The following CACNA2D1 variants were observed in gnomAD, a reference collection of about 807,000 sequenced individuals.
The protein encoded by CACNA2D1 is voltage-dependent calcium channel subunit alpha-2/delta-1.
A neutral mutation model predicts 171.5 loss-of-function variants in CACNA2D1; 53 were observed. The ratio of observed to expected loss-of-function variants is 0.31; its 90% CI spans 0.25 to 0.39. CACNA2D1 has a LOEUF of 0.39. CACNA2D1 is among the 10% of genes least tolerant of loss of function. The pLI, the probability that CACNA2D1 is intolerant of heterozygous loss-of-function variation, is 1.00. For synonymous variants in CACNA2D1, 442 were observed against 443.1 expected (o/e 1.00, Z 0.03); for missense variants, 903 against 1,299.8 (o/e 0.69, Z 4.69).
chr7:81,970,873 T>TATCTATTA, intron 26 of CACNA2D1, 136 bp from the exon 27 acceptor site: 5 of 663,218 alleles, frequency 7.5e-6, no homozygotes. Flanking sequence ...TATGTTTTAA[T>TATCTATTA]AATTTAAATA....
intron 4 of CACNA2D1, among the ~76,000 whole-genome samples, chr7:82,139,932 C>A (rs1792145244): frequency 6.8e-6 from 1 of 146,548 alleles, no homozygotes; most frequent in South Asian, 2.2e-4. Flanking sequence ...CAGGCATTTG[C>A]CAACACACCT....
At position 82,032,878 on chromosome 7, in the gene CACNA2D1, G is replaced by A. The variant is rs142965905; in HGVS notation, c.1062C>T (p.Cys354=). The A allele has an allele frequency of 1.5e-5, 24 of 1,596,188 alleles. No homozygotes were observed. The highest frequency in any genetic ancestry group is 2.0e-5 in the Non-Finnish European group (23 of 1,165,166). ...CCGTGAATAGCATAATAATCTTATTGCAGTTTGCTCTGGAAACATTATACT... is the reference window on the plus strand; with the variant it reads ...CCGTGAATAGCATAATAATCTTATTACAGTTTGCTCTGGAAACATTATACT... ...LLNYNVSRAN[C]NKIIMLFTDG... Residue 354 remains cysteine, a synonymous_variant, in exon 12 of 39, where the codon TGC becomes TGT. Transcript: ENST00000356860.
At chr7:82,030,855 G>A (rs1048269068) in intron 12 of CACNA2D1, among the ~76,000 whole-genome samples, 8 of 151,782 alleles carry the variant, frequency 5.3e-5, no homozygotes, top group Admixed American at 2.0e-4. Flanking sequence ...TAATAGAATT[G>A]AATTTTGTGT....
At chr7:82,424,588 T>C (rs1201242319) in intron 1 of CACNA2D1, among the ~76,000 whole-genome samples, 1 of 152,216 alleles carries the variant, frequency 6.6e-6, no homozygotes, top group Admixed American at 6.5e-5. Context: ...GGAAGGATCA[T>C]AATCCTTTAC....
intron 4 of CACNA2D1, among the ~76,000 whole-genome samples, chr7:82,159,814 C>A (rs1450672872): frequency 1.1e-5 from 1 of 90,848 alleles, no homozygotes; most frequent in Non-Finnish European, 2.3e-5. Flanking sequence ...TTTAGGAAAT[C>A]ATGCAAAATG....
chr7:82,097,128 C>A (rs1811983694), intron 6 of CACNA2D1, among the ~76,000 whole-genome samples: 1 of 152,088 alleles, frequency 6.6e-6, no homozygotes, highest in African/African-American at 2.4e-5. Context: ...AGTGAACTCG[C>A]TGTACAGGCA....
chr7:82,085,129 T>G (rs1334935716), intron 6 of CACNA2D1, among the ~76,000 whole-genome samples: 1 of 152,204 alleles, frequency 6.6e-6, no homozygotes, highest in Non-Finnish European at 1.5e-5. Context: ...AGGTTTATAC[T>G]CTGGAGAGAA....
intron 3 of CACNA2D1, among the ~76,000 whole-genome samples, chr7:82,212,501 T>C (rs186536643): frequency 8.7e-4 from 132 of 152,336 alleles, no homozygotes; most frequent in African/African-American, 3.0e-3. Flanking sequence ...GTAGATAAAT[T>C]TGTAGAACAT....
At chr7:82,369,504 T>A (rs1323259290) in intron 1 of CACNA2D1, among the ~76,000 whole-genome samples, 2 of 151,990 alleles carry the variant, frequency 1.3e-5, no homozygotes, top group Admixed American at 6.6e-5. Context: ...AACATTACTT[T>A]TCTGAATGTA....
intron 3 of CACNA2D1, among the ~76,000 whole-genome samples, chr7:82,320,582 T>TTTC (rs1815685267): frequency 6.7e-6 from 1 of 149,668 alleles, no homozygotes; most frequent in Non-Finnish European, 1.5e-5. Context: ...TGGCTAATTT[T>TTTC]TTTTTTTTTT....
chr7:81,958,443 T>A (rs1793697917), intron 38 of CACNA2D1, among the ~76,000 whole-genome samples: 1 of 152,042 alleles, frequency 6.6e-6, no homozygotes, highest in Admixed American at 6.6e-5. Flanking sequence ...GTATTTAAAA[T>A]TAGTTAAAAA....
chr7:82,379,307 T>C (rs1823414221), intron 1 of CACNA2D1, among the ~76,000 whole-genome samples: 1 of 110,728 alleles, frequency 9.0e-6, no homozygotes, highest in African/African-American at 3.9e-5. Context: ...GAAACATAAT[T>C]CATAATTTTT....
intron 1 of CACNA2D1, among the ~76,000 whole-genome samples, chr7:82,374,944 TA>T (rs68074298): frequency 0.074 from 11,319 of 152,158 alleles, 1,297 homozygotes; most frequent in African/African-American, 0.25. Flanking sequence ...GGGATCTCTC[TA>T]AAGGATTAAG....
intron 1 of CACNA2D1, among the ~76,000 whole-genome samples, chr7:82,420,696 T>G (rs1023141533): frequency 6.6e-6 from 1 of 152,220 alleles, no homozygotes; most frequent in Non-Finnish European, 1.5e-5. Context: ...TGTTTTGAAG[T>G]CCTTGCCGCA....
At chr7:82,146,451 A>C (rs1321592893) in intron 4 of CACNA2D1, among the ~76,000 whole-genome samples, 1 of 140,704 alleles carries the variant, frequency 7.1e-6, no homozygotes, top group Non-Finnish European at 1.6e-5. Context: ...TATATATATA[A>C]AGATATATAT....
intron 12 of CACNA2D1, among the ~76,000 whole-genome samples, chr7:82,016,785 C>T (rs752505835): frequency 2.0e-5 from 3 of 152,000 alleles, no homozygotes; most frequent in Non-Finnish European, 2.9e-5. Context: ...TTTTGAAACA[C>T]GCCAAACTCT....
intron 3 of CACNA2D1, among the ~76,000 whole-genome samples, chr7:82,228,149 G>A (rs879433842): frequency 6.6e-6 from 1 of 152,122 alleles, no homozygotes; most frequent in Non-Finnish European, 1.5e-5. Flanking sequence ...AGGTGGACCT[G>A]TGCTAATCTT....
intron 1 of CACNA2D1, among the ~76,000 whole-genome samples, chr7:82,437,627 TTAACTA>T (rs1830203593): frequency 1.3e-5 from 2 of 152,292 alleles, no homozygotes; most frequent in East Asian, 3.9e-4. Flanking sequence ...ATTATTGAAA[TTAACTA>T]TAAAAAGTGT....
At chr7:82,071,088 C>T (rs1014158223) in intron 7 of CACNA2D1, among the ~76,000 whole-genome samples, 1 of 152,126 alleles carries the variant, frequency 6.6e-6, no homozygotes, top group African/African-American at 2.4e-5. Context: ...TGTTGTGTTA[C>T]TAACGAAACC....
Sources: gnomAD v4.1 joint callset for allele counts (sites outside exome capture counted in the v4.1 genomes callset) on GRCh38, gnomAD v4.1.1 for gene constraint, MANE v1.5 for transcripts, NCBI Gene and HGNC (gene_info 2026-07-23, HGNC 2026-07-21) for gene names.